The following GPR37 variants were observed in gnomAD, a reference collection of about 807,000 sequenced individuals.
GPR37 encodes the protein prosaposin receptor GPR37.
In GPR37, 20 loss-of-function variants were observed where a neutral mutation model predicts 43.6. The observed-to-expected ratio is 0.46, with a 90% CI of 0.32 to 0.67. The LOEUF is 0.67. Ranked by LOEUF, GPR37 falls within the 30% of genes least tolerant of loss-of-function variation. The pLI, the probability that GPR37 is intolerant of heterozygous loss-of-function variation, is 0.03. For synonymous variants in GPR37, 315 were observed against 322.6 expected (o/e 0.98, Z 0.25); for missense variants, 724 against 797.2 (o/e 0.91, Z 1.11).
Position 124,765,297 on chromosome 7 carries a change from A to C in GPR37, c.-321T>G. On this transcript the variant is annotated 5_prime_UTR_variant, in exon 1 of 2. Transcript: ENST00000303921. ...AGTTGCAATCAACACCTGACTGTTG[A>C]TTACTGTTGAGACTCGGGGGAGCCC... is the stretch of plus-strand genomic sequence containing the variant. 3.4e-6 allele frequency: 1 copy of C among 296,394 alleles called. No homozygotes were observed. The highest frequency in any genetic ancestry group is 6.2e-6 in the Non-Finnish European group (1 of 161,138). The allele number at this position is 296,394 out of a possible 1,614,324, so 18.4% of individuals were successfully genotyped here.
Position 124,747,363 on chromosome 7 carries a change from A to C in GPR37, c.1024-20T>G. On this transcript the variant is annotated intron_variant, in intron 1 of 1. Transcript: ENST00000303921. The stretch of plus-strand genomic sequence containing the variant: ...AGCGACCTGTGGGGGAACATAGAAG[A>C]CATTTATTCCCGGTGTCCCCCGAAA... The C allele has an allele frequency of 1.3e-6, 2 of 1,509,944 alleles. No homozygotes were observed. The highest frequency in any genetic ancestry group is 1.8e-6 in the Non-Finnish European group (2 of 1,101,880). 93.5% of individuals were successfully genotyped at this position (1,509,944 alleles called of 1,614,324 possible). A position where few individuals can be genotyped will look rare whatever the true frequency, so the allele number is the denominator to read the frequency against.
At position 124,764,874 on chromosome 7, in the gene GPR37, T is replaced by C. The variant is rs548740719; in HGVS notation, c.103A>G (p.Arg35Gly). The C allele has an allele frequency of 5.0e-6, 8 of 1,611,556 alleles. No homozygotes were observed. In the South Asian group the frequency reaches 5.5e-5, roughly 11 times the overall value. The stretch of plus-strand genomic sequence containing the variant: ...CTCTCCCCCAGACAAGTTTCGTTTC[T>C]GGACGCAGGGGCGACCCCGAGGGCA... ...SSALGVAPASRNETCLGESCA... is the reference protein window; with the variant it reads ...SSALGVAPASGNETCLGESCA... The change falls in exon 1 of 2, where the codon AGA becomes GGA. Residue 35 changes from arginine to glycine, a missense_variant. This residue lies in a region of GPR37 where 382 missense variants were observed against 355.4 expected (regional missense o/e 1.07). Transcript: ENST00000303921. The surrounding 1 kb of genome is among the most constrained non-coding windows in gnomAD (Gnocchi z 5.4).
At chr7:124,755,779 G>T (rs1793784625) in intron 1 of GPR37, among the ~76,000 whole-genome samples, 1 of 152,052 alleles carries the variant, frequency 6.6e-6, no homozygotes, top group African/African-American at 2.4e-5. Context: ...CCACAGTCCA[G>T]TTCTCAATCT....
At chr7:124,747,817 T>A (rs2284215) in intron 1 of GPR37, among the ~76,000 whole-genome samples, 2 of 151,946 alleles carry the variant, frequency 1.3e-5, no homozygotes, top group Non-Finnish European at 2.9e-5. Context: ...ACTCAAGAGC[T>A]TATTGTCTCC....
chr7:124,764,110 G>A lies in GPR37; in HGVS notation c.867C>T (p.Asn289=), dbSNP rs766896777. Residue 289 remains asparagine, a synonymous_variant, in exon 1 of 2, where the codon AAC becomes AAT. Coordinates refer to ENST00000303921, the MANE Select transcript of GPR37 (RefSeq NM_005302.5). The surrounding 1 kb of genome is among the most constrained non-coding windows in gnomAD (Gnocchi z 5.4). ...AGTTGGAGATGCTCCGCATGTAGTA[G>A]TTGTGGCACACGATGCACATCACCG... ...NLAVMCIVCH[N]YYMRSISNSL... 1.9e-5 allele frequency: 31 copies of A among 1,613,494 alleles called. 1 individual carries two copies. The highest frequency in any genetic ancestry group is 1.7e-6 in the Non-Finnish European group (2 of 1,179,740).
At position 124,746,415 on chromosome 7, in the gene GPR37, CTTTA is replaced by C. The variant is rs761248239; in HGVS notation, c.*106_*109del. The C allele has an allele frequency of 9.6e-5, 77 of 800,196 alleles. 1 individual carries two copies. In the South Asian group the frequency reaches 1.2e-3, roughly 13 times the overall value. 49.6% of individuals were successfully genotyped at this position (800,196 alleles called of 1,614,324 possible). On this transcript the variant is annotated 3_prime_UTR_variant, in exon 2 of 2. Coordinates refer to ENST00000303921, the MANE Select transcript of GPR37 (RefSeq NM_005302.5). ...GTTCTACAGTAGTTAATATTTCTTTCTTTATTGTTTCTTTTTTGCATTTTTCCCT... is the reference window on the plus strand; with the variant it reads ...GTTCTACAGTAGTTAATATTTCTTTCTTGTTTCTTTTTTGCATTTTTCCCT...
rs543510638 is a variant in GPR37 at position 124,744,710 on chromosome 7, A to G, written c.*1815T>C. The G allele has an allele frequency of 6.6e-6, 1 of 152,254 alleles. No individual in the cohort carries two copies. Among genetic ancestry groups the G allele is most frequent in the Admixed American group, 6.5e-5 (1 of 15,274 alleles). 9.4% of individuals were successfully genotyped at this position (152,254 alleles called of 1,614,324 possible). A position where few individuals can be genotyped will look rare whatever the true frequency, so the allele number is the denominator to read the frequency against. On this transcript the variant is annotated 3_prime_UTR_variant, in exon 2 of 2. Transcript: ENST00000303921. ...TCATAGTTGTCTATGTATTTATTTT[A>G]TTCCTTCCCATCCATGTCATCCCTG...
chr7:124,758,849 A>G (rs948026954), intron 1 of GPR37, among the ~76,000 whole-genome samples: 1 of 152,148 alleles, frequency 6.6e-6, no homozygotes, highest in Non-Finnish European at 1.5e-5. Flanking sequence ...TTATCTCATT[A>G]TAATTATTTG....
At chr7:124,754,486 C>G (rs1047628963) in intron 1 of GPR37, among the ~76,000 whole-genome samples, 1 of 149,624 alleles carries the variant, frequency 6.7e-6, no homozygotes, top group African/African-American at 2.5e-5. Flanking sequence ...TCAGTGATAA[C>G]ACCGATGGGA....
chr7:124,749,636 C>T lies in GPR37; in HGVS notation c.1024-2293G>A, dbSNP rs140733010. Among the ~76,000 whole-genome samples the T allele has an allele frequency of 1.1e-3, 171 of 152,096 alleles. 1 individual carries two copies. Among genetic ancestry groups the T allele is most frequent in the African/African-American group, 3.5e-3 (145 of 41,510 alleles). On this transcript the variant is annotated intron_variant, in intron 1 of 1. Coordinates refer to ENST00000303921, the MANE Select transcript of GPR37 (RefSeq NM_005302.5). ...TCCTCCTTATACACTACATATCAGA[C>T]GGCATCTACTAGTTCTAATATGGAA...
intron 1 of GPR37, among the ~76,000 whole-genome samples, chr7:124,754,977 T>G (rs968761347): frequency 2.6e-5 from 4 of 152,040 alleles, no homozygotes; most frequent in Non-Finnish European, 5.9e-5. Flanking sequence ...TCAGAGCCAC[T>G]GTTTATCAGA....
At chr7:124,747,455 TGAGA>T (rs765085676) in intron 1 of GPR37, 112 bp from the exon 2 acceptor site, 21 of 663,158 alleles carry the variant, frequency 3.2e-5, no homozygotes, top group African/African-American at 9.2e-5. Context: ...TAAATAAAAA[TGAGA>T]GAGAGAGAGA....
At chr7:124,747,381 C>A in intron 1 of GPR37, 38 bp from the exon 2 acceptor site, 1 of 1,359,024 alleles carries the variant, frequency 7.4e-7, no homozygotes. Context: ...TCCCGGTGTC[C>A]CCCGAAAGAT....
chr7:124,747,271 C>G lies in GPR37; in HGVS notation c.1096G>C (p.Val366Leu), dbSNP rs754836352. ...CIDRFRAATN[V>L]QMYYEMIENC... ...TCGATCATTTCGTAGTACATCTGTA[C>G]GTTGGTGGCAGCACGGAAGCGGTCT... The change falls in exon 2 of 2, where the codon GTA becomes CTA. Residue 366 changes from valine to leucine, a missense_variant. Around this residue, in one of 2 missense-constraint regions of GPR37, gnomAD observed 342 missense variants for 441.8 expected, o/e 0.77. Coordinates refer to ENST00000303921, the MANE Select transcript of GPR37 (RefSeq NM_005302.5). 4 of 1,613,612 alleles carry G rather than the reference C, an allele frequency of 2.5e-6. No homozygotes were observed. The Admixed American group carries it at 5.0e-5, about 20-fold the overall frequency.
intron 1 of GPR37, among the ~76,000 whole-genome samples, chr7:124,750,115 G>A (rs1793715381): frequency 1.3e-5 from 2 of 151,992 alleles, no homozygotes; most frequent in South Asian, 4.1e-4. Flanking sequence ...AGAACGGCTG[G>A]CCACTTCCTA....
rs775727862 is a variant in GPR37 at position 124,764,966 on chromosome 7, G to C, written c.11C>G (p.Pro4Arg). 5 of 1,486,290 alleles carry C rather than the reference G, an allele frequency of 3.4e-6. No individual in the cohort carries two copies. Among genetic ancestry groups the C allele is most frequent in the South Asian group, 1.4e-5 (1 of 73,854 alleles). The allele number at this position is 1,486,290 out of a possible 1,614,324, so 92.1% of individuals were successfully genotyped here. Residue 4 changes from proline (P) to arginine (R), a missense_variant, in exon 1 of 2, where the codon CCG (proline) becomes CGG (arginine). Physicochemically the swap from Pro to Arg is moderately radical, Grantham distance 103. Around this residue, in one of 2 missense-constraint regions of GPR37, gnomAD observed 382 missense variants for 355.4 expected, o/e 1.07. Coordinates refer to ENST00000303921, the MANE Select transcript of GPR37 (RefSeq NM_005302.5). The surrounding 1 kb of genome is among the most constrained non-coding windows in gnomAD (Gnocchi z 5.4). The part of the protein sequence containing the change: MRA[P>R]GALLARMSRL... ...CGACATGCGGGCGAGAAGCGCGCCC[G>C]GGGCTCGCATGGCTTGGTGAGGGCA... is the stretch of plus-strand genomic sequence containing the variant.
intron 1 of GPR37, among the ~76,000 whole-genome samples, chr7:124,747,889 G>T (rs2107930): frequency 6.6e-6 from 1 of 151,932 alleles, no homozygotes; most frequent in Non-Finnish European, 1.5e-5. Context: ...AAGTATTACA[G>T]TATTATTTTC....
At chr7:124,757,496 T>C (rs989656170) in intron 1 of GPR37, among the ~76,000 whole-genome samples, 20 of 152,194 alleles carry the variant, frequency 1.3e-4, no homozygotes, top group African/African-American at 4.6e-4. Context: ...ATTAAAAGAT[T>C]TTCACATTTG....
chr7:124,753,263 T>G (rs1793753132), intron 1 of GPR37, among the ~76,000 whole-genome samples: 1 of 152,094 alleles, frequency 6.6e-6, no homozygotes, highest in Non-Finnish European at 1.5e-5. Context: ...AATTTTATTA[T>G]ATTCTATATT....
Sources: gnomAD v4.1 joint callset for allele counts (sites outside exome capture counted in the v4.1 genomes callset) on GRCh38, gnomAD v4.1.1 for gene constraint, gnomAD v4.1.1 regional missense constraint, Gnocchi (gnomAD v3.1) non-coding constraint, MANE v1.5 for transcripts, NCBI Gene and HGNC (gene_info 2026-07-23, HGNC 2026-07-21) for gene names.